The following NKAIN2 variants were observed in gnomAD, a reference collection of about 807,000 sequenced individuals.
The protein encoded by NKAIN2 is sodium/potassium transporting ATPase interacting 2, also known as sodium/potassium-transporting ATPase subunit beta-1-interacting protein 2.
NKAIN2 carries 14 observed loss-of-function variants against 32.6 expected under a neutral mutation model. The observed-to-expected ratio is 0.43, with a 90% CI of 0.28 to 0.67. The LOEUF is 0.67. Ranked by LOEUF, NKAIN2 falls within the 30% of genes least tolerant of loss-of-function variation. The pLI is 0.17. For missense variants in NKAIN2, 198 were observed against 258.3 expected, an observed-to-expected ratio of 0.77 and a Z score of 1.60; for synonymous variants, 80 against 87.2, an observed-to-expected ratio of 0.92 and a Z score of 0.46.
At chr6:124,587,905 A>G (rs1047566493) in intron 3 of NKAIN2, among the ~76,000 whole-genome samples, 4 of 152,208 alleles carry the variant, frequency 2.6e-5, no homozygotes, top group Admixed American at 6.5e-5. Flanking sequence ...ATTTAAGCAT[A>G]TTGGAAGCTA....
intron 1 of NKAIN2, among the ~76,000 whole-genome samples, chr6:123,893,645 G>T (rs1774127914): frequency 6.6e-6 from 1 of 152,162 alleles, no homozygotes; most frequent in Non-Finnish European, 1.5e-5. Context: ...GCTATATAGT[G>T]GTAGAGCAAA....
chr6:124,427,850 G>T (rs1009358790), intron 3 of NKAIN2, among the ~76,000 whole-genome samples: 1 of 151,818 alleles, frequency 6.6e-6, no homozygotes. Flanking sequence ...AGGTCGTTCG[G>T]GGCTACAAAA....
At chr6:124,041,513 T>C (rs1781870564) in intron 1 of NKAIN2, among the ~76,000 whole-genome samples, 1 of 152,092 alleles carries the variant, frequency 6.6e-6, no homozygotes, top group African/African-American at 2.4e-5. Context: ...ATTACAAACA[T>C]TATTTTAAAT....
At chr6:124,712,611 T>C (rs1775551468) in intron 4 of NKAIN2, among the ~76,000 whole-genome samples, 1 of 148,314 alleles carries the variant, frequency 6.7e-6, no homozygotes, top group Non-Finnish European at 1.5e-5. Context: ...TTTCTTTGAG[T>C]CGGAAAGGGA....
intron 1 of NKAIN2, among the ~76,000 whole-genome samples, chr6:123,976,372 C>CATATAT (rs60189624): frequency 2.9e-3 from 32 of 10,892 alleles, no homozygotes; most frequent in East Asian, 5.5e-3. Context: ...TATATATTCC[C>CATATAT]ATATATATAT....
At chr6:124,222,404 G>A (rs1371181052) in intron 1 of NKAIN2, among the ~76,000 whole-genome samples, 1 of 152,168 alleles carries the variant, frequency 6.6e-6, no homozygotes, top group African/African-American at 2.4e-5. Flanking sequence ...GTGTCATGTG[G>A]TAATTAATGC....
intron 1 of NKAIN2, among the ~76,000 whole-genome samples, chr6:124,250,595 G>T (rs186520810): frequency 7.2e-5 from 11 of 151,858 alleles, no homozygotes; most frequent in South Asian, 2.1e-4. Context: ...TCCAAGTGCA[G>T]GAAAATTATC....
intron 1 of NKAIN2, among the ~76,000 whole-genome samples, chr6:124,214,471 G>A (rs970061700): frequency 3.9e-5 from 6 of 151,982 alleles, no homozygotes; most frequent in Admixed American, 2.6e-4. Context: ...AACTTGTGGC[G>A]GGTGTGGTGG....
At chr6:124,216,565 A>G (rs1179028531) in intron 1 of NKAIN2, among the ~76,000 whole-genome samples, 1 of 152,120 alleles carries the variant, frequency 6.6e-6, no homozygotes. Flanking sequence ...TTAGTGTCAC[A>G]TTATTTTACA....
chr6:123,967,154 C>T (rs898951041), intron 1 of NKAIN2, among the ~76,000 whole-genome samples: 4 of 152,184 alleles, frequency 2.6e-5, no homozygotes, highest in Non-Finnish European at 4.4e-5. Context: ...TGGGCACTTT[C>T]CTTGTAATTT....
At chr6:124,562,956 C>G (rs1033753809) in intron 3 of NKAIN2, among the ~76,000 whole-genome samples, 1 of 148,368 alleles carries the variant, frequency 6.7e-6, no homozygotes, top group Non-Finnish European at 1.5e-5. Context: ...CCTGGCTGGA[C>G]TGCAATGGCG....
intron 1 of NKAIN2, among the ~76,000 whole-genome samples, chr6:123,907,119 T>C (rs1284651758): frequency 6.6e-6 from 1 of 152,154 alleles, no homozygotes; most frequent in African/African-American, 2.4e-5. Context: ...TTATCTGGGG[T>C]TTTATTTACT....
At chr6:124,602,552 C>CA (rs891945201) in intron 3 of NKAIN2, among the ~76,000 whole-genome samples, 2 of 150,154 alleles carry the variant, frequency 1.3e-5, no homozygotes, top group East Asian at 2.0e-4. Context: ...GATGGGGGGA[C>CA]AAAAAAAGAG....
intron 1 of NKAIN2, among the ~76,000 whole-genome samples, chr6:123,917,430 T>G (rs1244834367): frequency 2.0e-5 from 3 of 152,174 alleles, no homozygotes; most frequent in African/African-American, 4.8e-5. Context: ...ACAGAATGTG[T>G]ACGTTTAGGC....
At chr6:124,535,170 A>G (rs927922957) in intron 3 of NKAIN2, among the ~76,000 whole-genome samples, 29 of 152,332 alleles carry the variant, frequency 1.9e-4, no homozygotes, top group African/African-American at 6.7e-4. Context: ...TGTGGAAGCC[A>G]TGGATAAGGA....
intron 3 of NKAIN2, among the ~76,000 whole-genome samples, chr6:124,644,118 CA>C (rs1328342040): frequency 6.6e-6 from 1 of 152,078 alleles, no homozygotes; most frequent in Non-Finnish European, 1.5e-5. Context: ...GTGCTAATAA[CA>C]GCTTTCATGT....
intron 1 of NKAIN2, among the ~76,000 whole-genome samples, chr6:124,192,721 T>C (rs868662451): frequency 7.2e-5 from 11 of 151,756 alleles, no homozygotes; most frequent in South Asian, 4.2e-4. Flanking sequence ...TGTTGTCTAT[T>C]TCTCTCCTTA....
chr6:123,811,515 G>A (rs950122983), intron 1 of NKAIN2, among the ~76,000 whole-genome samples: 1 of 70,746 alleles, frequency 1.4e-5, no homozygotes, highest in Non-Finnish European at 2.3e-5. Context: ...ATATACCAAG[G>A]AGCTTAGTGC....
At chr6:124,306,664 C>A (rs996608883) in intron 2 of NKAIN2, among the ~76,000 whole-genome samples, 1 of 152,086 alleles carries the variant, frequency 6.6e-6, no homozygotes, top group Non-Finnish European at 1.5e-5. Flanking sequence ...CATATATATT[C>A]ATTTTCCTCT....
Sources: allele counts gnomAD v4.1 joint callset (sites outside exome capture counted in the v4.1 genomes callset), GRCh38; gene constraint gnomAD v4.1.1; transcripts MANE v1.5; gene names NCBI Gene and HGNC (gene_info 2026-07-23, HGNC 2026-07-21).